Variants in VPS35L observed in about 807,000 individuals in gnomAD.
VPS35L encodes the protein VPS35 endosomal protein sorting factor like.
Under a neutral mutation model 133.0 loss-of-function variants are expected in VPS35L, and 83 were observed. The ratio of observed to expected loss-of-function variants is 0.62; its 90% confidence interval spans 0.52 to 0.75. The LOEUF (loss-of-function observed/expected upper bound fraction) is 0.75. Ranked by LOEUF, VPS35L falls within the 30% of genes least tolerant of loss-of-function variation. VPS35L has a pLI of 0.00. For missense variants in VPS35L, 1,083 were observed against 1,206.8 expected, an observed-to-expected ratio of 0.90 and a Z score of 1.52; for synonymous variants, 423 against 449.9, an observed-to-expected ratio of 0.94 and a Z score of 0.76.
chr16:19,642,589 G>A (rs1973820419), intron 22 of VPS35L, 113 bp downstream of exon 22: 1 of 859,270 alleles, frequency 1.2e-6, no homozygotes, highest in Admixed American at 2.8e-5. Flanking sequence ...TACTTTATTG[G>A]GAGTATTAAG....
chr16:19,694,777 AG>A (rs1975843986), intron 29 of VPS35L, among the ~76,000 whole-genome samples: 1 of 152,136 alleles, frequency 6.6e-6, no homozygotes, highest in Non-Finnish European at 1.5e-5. Flanking sequence ...AGGCTGAGAC[AG>A]GCAGATCACT....
intron 5 of VPS35L, among the ~76,000 whole-genome samples, chr16:19,576,606 T>C (rs1971547167): frequency 6.6e-6 from 1 of 152,182 alleles, no homozygotes; most frequent in South Asian, 2.1e-4. Flanking sequence ...TGCTGCTGGG[T>C]GCAGATGAGC....
Position 19,682,329 on chromosome 16 carries a change from C to T in VPS35L, c.2466C>T (p.Thr822=), listed in dbSNP as rs1041766354. The T allele has an allele frequency of 5.0e-6, 8 of 1,614,098 alleles. No individual in the cohort carries two copies. The highest frequency in any genetic ancestry group is 6.8e-6 in the Non-Finnish European group (8 of 1,180,046). Residue 822 remains threonine (T), a synonymous_variant, in exon 28 of 31, where the codon ACC becomes ACT. Coordinates refer to ENST00000417362, the MANE Select transcript of VPS35L (RefSeq NM_020314.7). ...GCGATGAGAAAATCCGCATCTACAC[C>T]TGCGTCCTGCATCTCCTCTCCGCCA... ...DNSDEKIRIY[T]CVLHLLSAMS... is the part of the protein sequence containing the mutation.
chr16:19,671,651 C>T (rs1054161354), intron 27 of VPS35L, among the ~76,000 whole-genome samples: 8 of 151,848 alleles, frequency 5.3e-5, no homozygotes, highest in South Asian at 2.1e-4. Flanking sequence ...GTGGCAGGCA[C>T]CTGTAATCTC....
At chr16:19,573,613 G>A (rs1223132755) in intron 4 of VPS35L, among the ~76,000 whole-genome samples, 1 of 152,140 alleles carries the variant, frequency 6.6e-6, no homozygotes, top group African/African-American at 2.4e-5. Context: ...GAGGTCAGGA[G>A]TTCGAGACCA....
chr16:19,660,741 G>A (rs1974456438), intron 26 of VPS35L, among the ~76,000 whole-genome samples: 1 of 152,092 alleles, frequency 6.6e-6, no homozygotes, highest in Non-Finnish European at 1.5e-5. Context: ...GAGGGTGTTT[G>A]GTGAGATTGT....
intron 28 of VPS35L, among the ~76,000 whole-genome samples, chr16:19,683,532 C>T (rs901003796): frequency 6.6e-6 from 1 of 152,176 alleles, no homozygotes; most frequent in African/African-American, 2.4e-5. Context: ...GGCCCACTTA[C>T]AAGTGAGAAC....
intron 27 of VPS35L, among the ~76,000 whole-genome samples, chr16:19,675,968 A>G (rs1241242170): frequency 6.6e-6 from 1 of 152,090 alleles, no homozygotes; most frequent in Non-Finnish European, 1.5e-5. Context: ...AAAGATAGGA[A>G]CTACCAGGCA....
chr16:19,672,954 T>G (rs553955694), intron 27 of VPS35L, among the ~76,000 whole-genome samples: 1 of 152,370 alleles, frequency 6.6e-6, no homozygotes, highest in Admixed American at 6.5e-5. Flanking sequence ...TAAAAATCAC[T>G]GGAGCCTTTT....
chr16:19,575,042 CAATG>C (rs1327959546), intron 4 of VPS35L, 52 bp from the exon 5 acceptor site: 12 of 1,454,398 alleles, frequency 8.3e-6, no homozygotes, highest in Middle Eastern at 1.8e-4. Context: ...TGTTGGAAAA[CAATG>C]AACATACTGC....
intron 2 of VPS35L, among the ~76,000 whole-genome samples, chr16:19,567,935 A>T (rs1393327158): frequency 1.3e-5 from 2 of 150,080 alleles, no homozygotes; most frequent in East Asian, 3.9e-4. Flanking sequence ...ACACCATTGC[A>T]CTCCAGGCTT....
chr16:19,591,440 G>C lies in VPS35L; in HGVS notation c.640-350G>C, dbSNP rs113744391. 3.1e-3 allele frequency among the ~76,000 whole-genome samples: 466 copies of C among 152,208 alleles called. 1 individual carries two copies. The highest frequency in any genetic ancestry group is 0.011 in the African/African-American group (447 of 41,530). Reference sequence around the variant, plus strand: ...TTCTTAAGAGACTGTTATGGGCCGGGTGCGGTGGCTCACGCCTGTAATTCC... The same window carrying C: ...TTCTTAAGAGACTGTTATGGGCCGGCTGCGGTGGCTCACGCCTGTAATTCC... On this transcript the variant is annotated intron_variant, in intron 7 of 30. Transcript: ENST00000417362.
intron 26 of VPS35L, among the ~76,000 whole-genome samples, chr16:19,660,432 TTGGATTGA>T (rs879554875): frequency 3.3e-5 from 5 of 152,128 alleles, no homozygotes; most frequent in African/African-American, 7.2e-5. Context: ...AGGAGGGTAG[TTGGATTGA>T]TGGATTGATG....
intron 26 of VPS35L, 45 bp from the exon 27 acceptor site, chr16:19,669,114 AT>A (rs777979970): frequency 5.8e-5 from 90 of 1,545,022 alleles, no homozygotes; most frequent in Middle Eastern, 2.0e-4. Context: ...AGCCAACTAA[AT>A]TTCCCAGAGT....
intron 26 of VPS35L, among the ~76,000 whole-genome samples, chr16:19,662,816 T>C (rs2151598182): frequency 6.6e-6 from 1 of 152,208 alleles, no homozygotes; most frequent in Non-Finnish European, 1.5e-5. Context: ...TCTTACAATT[T>C]CTGACATCAC....
chr16:19,696,657 TTGAA>T (rs1391866411), intron 29 of VPS35L, among the ~76,000 whole-genome samples: 1 of 152,124 alleles, frequency 6.6e-6, no homozygotes, highest in East Asian at 1.9e-4. Context: ...TTCTCGGTGT[TTGAA>T]TATATCAGCT....
chr16:19,649,971 A>ATAAG (rs1389619884), intron 24 of VPS35L, among the ~76,000 whole-genome samples: 1 of 152,132 alleles, frequency 6.6e-6, no homozygotes, highest in Non-Finnish European at 1.5e-5. Context: ...TATTGTTGGT[A>ATAAG]CTGTATAGCT....
At chr16:19,674,067 T>C (rs1974967273) in intron 27 of VPS35L, among the ~76,000 whole-genome samples, 1 of 152,100 alleles carries the variant, frequency 6.6e-6, no homozygotes, top group South Asian at 2.1e-4. Context: ...GGCTAAGAGC[T>C]GAATAAACTC....
intron 3 of VPS35L, among the ~76,000 whole-genome samples, chr16:19,571,015 A>G (rs1971367167): frequency 6.6e-6 from 1 of 151,110 alleles, no homozygotes; most frequent in Admixed American, 6.6e-5. Context: ...CTGGGACTAC[A>G]GGCACGTGCC....
Sources: allele counts gnomAD v4.1 joint callset (sites outside exome capture counted in the v4.1 genomes callset), GRCh38; gene constraint gnomAD v4.1.1; transcripts MANE v1.5; gene names NCBI Gene and HGNC (gene_info 2026-07-23, HGNC 2026-07-21).